FRMPD4: variants seen among roughly 807,000 people sequenced by gnomAD.
FRMPD4 encodes the protein FERM and PDZ domain-containing protein 4.
Under a neutral mutation model 94.1 loss-of-function variants are expected in FRMPD4, and 22 were observed. The ratio of observed to expected loss-of-function variants is 0.23; its 90% CI spans 0.17 to 0.33. The LOEUF is 0.33. FRMPD4 is among the 10% of genes least tolerant of loss of function. The pLI is 1.00. For synonymous variants in FRMPD4, 631 were observed against 548.6 expected, an observed-to-expected ratio of 1.15 and a Z score of -2.10; for missense variants, 1,111 against 1,339.9, an observed-to-expected ratio of 0.83 and a Z score of 2.67.
chrX:12,049,520 G>T (rs750352799), intron 3 of FRMPD4, among the ~76,000 whole-genome samples: 1 of 111,401 alleles, frequency 9.0e-6, no homozygotes, highest in South Asian at 3.8e-4. Flanking sequence ...CACACATACT[G>T]ATGTTGAAGT....
chrX:11,922,423 C>T (rs2054062449), intron 3 of FRMPD4, among the ~76,000 whole-genome samples: 1 of 111,506 alleles, frequency 9.0e-6, no homozygotes, highest in East Asian at 2.8e-4. Flanking sequence ...AGAAACCTAC[C>T]CCCATCATCC....
intron 1 of FRMPD4, among the ~76,000 whole-genome samples, chrX:12,274,516 A>G (rs2054403009): frequency 8.9e-6 from 1 of 112,789 alleles, no homozygotes; most frequent in Admixed American, 9.3e-5. Flanking sequence ...TTCGGTAAGC[A>G]GCTAAATAAT....
intron 1 of FRMPD4, among the ~76,000 whole-genome samples, chrX:12,237,437 C>T (rs1185410851): frequency 1.8e-5 from 2 of 112,040 alleles, no homozygotes; most frequent in African/African-American, 6.5e-5. Flanking sequence ...GAACAAATAT[C>T]TTCCATATTC....
chrX:11,906,585 T>A (rs1569122817), intron 3 of FRMPD4, among the ~76,000 whole-genome samples: 1 of 111,637 alleles, frequency 9.0e-6, no homozygotes, highest in Non-Finnish European at 1.9e-5. Context: ...GTCAGTTTTT[T>A]ATTGTATTTT....
In FRMPD4 at chrX:11,885,798, G is replaced by A. The variant is rs769006719; in HGVS notation, c.95+7780G>A. ...TGTTTAAGCATTTTCCTGGGAGAAA[G>A]GGCCCATCGCTTTTTTCAGTTTTTC... On this transcript the variant is annotated intron_variant, in intron 3 of 18. Transcript: ENST00000640291. 3.4e-4 allele frequency among the ~76,000 whole-genome samples: 38 copies of A among 111,042 alleles called. No individual in the cohort carries two copies. In the South Asian group the frequency reaches 0.014, roughly 41 times the overall value.
intron 1 of FRMPD4, among the ~76,000 whole-genome samples, chrX:12,485,914 T>TA (rs373572525): frequency 0.16 from 15,890 of 101,131 alleles, 1,076 homozygotes; most frequent in African/African-American, 0.22. Flanking sequence ...TTCTCAAAAT[T>TA]AAAAAAAAAA....
intron 2 of FRMPD4, among the ~76,000 whole-genome samples, chrX:12,526,880 G>C (rs370636134): frequency 3.6e-5 from 4 of 112,076 alleles, no homozygotes; most frequent in East Asian, 5.5e-4. Flanking sequence ...ATTACTCACA[G>C]GTGGTGCTTG....
intron 1 of FRMPD4, among the ~76,000 whole-genome samples, chrX:12,160,048 GGTAGCT>G (rs2055997813): frequency 9.5e-6 from 1 of 105,594 alleles, no homozygotes; most frequent in South Asian, 4.3e-4. Flanking sequence ...TGTGAACTGA[GGTAGCT>G]GTAGATGTTG....
At chrX:12,610,305 A>G (rs924915317) in intron 3 of FRMPD4, among the ~76,000 whole-genome samples, 3 of 112,507 alleles carry the variant, frequency 2.7e-5, no homozygotes, top group African/African-American at 9.7e-5. Context: ...TAGAGGCAAA[A>G]TAAAGGGAAA....
At chrX:12,624,895 G>A (rs1394550040) in intron 4 of FRMPD4, among the ~76,000 whole-genome samples, 1 of 107,789 alleles carries the variant, frequency 9.3e-6, no homozygotes, top group African/African-American at 3.6e-5. Flanking sequence ...ATCTGACAAG[G>A]GATTAATAAT....
chrX:12,500,771 C>T (rs907099305), intron 2 of FRMPD4, among the ~76,000 whole-genome samples: 3 of 111,627 alleles, frequency 2.7e-5, no homozygotes, highest in Admixed American at 9.5e-5. Context: ...TTGTCCAAGT[C>T]CCTTAGGCTG....
chrX:12,244,128 T>A (rs946790437), intron 1 of FRMPD4, among the ~76,000 whole-genome samples: 6 of 110,216 alleles, frequency 5.4e-5, no homozygotes, highest in Non-Finnish European at 7.6e-5. Context: ...TTTGTTTTGT[T>A]TTTTATTTTT....
chrX:12,450,220 T>C (rs2057249123), intron 1 of FRMPD4, among the ~76,000 whole-genome samples: 1 of 111,004 alleles, frequency 9.0e-6, no homozygotes. Context: ...TTAGGTTCTA[T>C]GACCTGTAAT....
chrX:11,931,589 A>G (rs928437392), intron 3 of FRMPD4, among the ~76,000 whole-genome samples: 4 of 111,952 alleles, frequency 3.6e-5, no homozygotes, highest in African/African-American at 1.3e-4. Flanking sequence ...AGAAGTGAAA[A>G]CTGCTAGTAC....
rs772487694 is a variant in FRMPD4 at position 12,707,588 on chromosome X, G to T, written c.1407G>T (p.Arg469Ser). The T allele has an allele frequency of 1.3e-5, 16 of 1,210,862 alleles. No homozygotes were observed. Among genetic ancestry groups the T allele is most frequent in the Non-Finnish European group, 1.8e-5 (16 of 894,782 alleles). Residue 469 changes from arginine to serine, a missense_variant, in exon 13 of 17, where the codon AGG becomes AGT. By Grantham distance (110) the Arg-to-Ser change is moderately radical (BLOSUM62 -1). This residue lies in a region of FRMPD4 where 111 missense variants were observed against 160.7 expected (regional missense o/e 0.69). Transcript: ENST00000675598. ...ALLADFSHVN[R>S]IEMFSEEESL... Reference sequence around the variant, plus strand: ...TAGCCGACTTTAGCCACGTCAACAGGATCGAAATGTTTTCCGAGGAGGAGA... The same window carrying T: ...TAGCCGACTTTAGCCACGTCAACAGTATCGAAATGTTTTCCGAGGAGGAGA...
intron 4 of FRMPD4, among the ~76,000 whole-genome samples, chrX:12,654,680 C>T (rs2059634884): frequency 9.0e-6 from 1 of 111,404 alleles, no homozygotes; most frequent in South Asian, 3.8e-4. Context: ...TCGGCATCCT[C>T]TAGGTAAAAT....
At chrX:12,065,462 G>C (rs1000333821) in intron 3 of FRMPD4, among the ~76,000 whole-genome samples, 1 of 112,136 alleles carries the variant, frequency 8.9e-6, no homozygotes, top group African/African-American at 3.2e-5. Context: ...CCATTGAAAA[G>C]GCGCAGGCGT....
At chrX:12,121,934 C>T (rs2055457842) in intron 3 of FRMPD4, among the ~76,000 whole-genome samples, 1 of 111,886 alleles carries the variant, frequency 8.9e-6, no homozygotes, top group African/African-American at 3.3e-5. Flanking sequence ...GCTCAAGTGT[C>T]AACCTCACAA....
At position 12,690,284 on chromosome X, in the gene FRMPD4, A is replaced by C; in HGVS notation, c.771A>C (p.Gly257=). The C allele has an allele frequency of 2.5e-6, 3 of 1,209,428 alleles. No homozygotes were observed. Among genetic ancestry groups the C allele is most frequent in the Non-Finnish European group, 3.4e-6 (3 of 893,505 alleles). Residue 257 remains glycine, a synonymous_variant, in exon 8 of 17, where the codon GGA becomes GGC. Coordinates refer to ENST00000675598, the MANE Select transcript of FRMPD4 (RefSeq NM_001368397.1). ...LMLEQRTEGA[G]TKLLLLHEQE... is the part of the protein sequence containing the mutation. Reference sequence around the variant, plus strand: ...TGGAGCAGAGGACAGAAGGGGCTGGAACGAAGCTGCTCTTGCTTCATGAAC... The same window carrying C: ...TGGAGCAGAGGACAGAAGGGGCTGGCACGAAGCTGCTCTTGCTTCATGAAC...
Sources: allele counts gnomAD v4.1 joint callset (sites outside exome capture counted in the v4.1 genomes callset), GRCh38; gene constraint gnomAD v4.1.1; regional missense constraint gnomAD v4.1.1; transcripts MANE v1.5; gene names NCBI Gene and HGNC (gene_info 2026-07-23, HGNC 2026-07-21).